The following IGSF9 variants were observed in gnomAD, a reference collection of about 807,000 sequenced individuals.
IGSF9 encodes immunoglobulin superfamily member 9, also known as protein turtle homolog A.
In IGSF9, 87 loss-of-function variants were observed where a neutral mutation model predicts 121.7. That is an observed-to-expected ratio of 0.71 (90% CI 0.60 to 0.85). The LOEUF (loss-of-function observed/expected upper bound fraction) is 0.85, where lower values mean the gene tolerates loss of function less well. Ranked by LOEUF, IGSF9 falls within the 40% of genes least tolerant of loss-of-function variation. IGSF9 has a pLI of 0.00. For missense variants in IGSF9, 1,462 were observed against 1,565.3 expected, an observed-to-expected ratio of 0.93 and a Z score of 1.11; for synonymous variants, 640 against 648.4, an observed-to-expected ratio of 0.99 and a Z score of 0.20.
chr1:159,945,117 C>A (rs905209032), intron 1 of IGSF9, among the ~76,000 whole-genome samples: 1 of 151,998 alleles, frequency 6.6e-6, no homozygotes, highest in East Asian at 1.9e-4. Context: ...ACAATCCCCC[C>A]ACAATTCCAG....
At chr1:159,941,806 T>C (rs572397235) in intron 3 of IGSF9, among the ~76,000 whole-genome samples, 1 of 152,342 alleles carries the variant, frequency 6.6e-6, no homozygotes, top group African/African-American at 2.4e-5. Context: ...GCCGTTTTTT[T>C]CTCCACTGGT....
chr1:159,939,798 G>A (rs898461685), intron 3 of IGSF9, among the ~76,000 whole-genome samples: 9 of 152,210 alleles, frequency 5.9e-5, no homozygotes, highest in African/African-American at 1.9e-4. Context: ...TCTCTAGGAT[G>A]GGTGGACCTG....
Position 159,943,127 on chromosome 1 carries a change from G to A in IGSF9, c.83C>T (p.Ser28Leu), listed in dbSNP as rs369566514. ...ACTCTCCCCAGCCCGGCCCACCACC[G>A]ATACCACCTCAGGCTTCCCTCGACC... ...ADGRGKPEVV[S>L]VVGRAGESVV... The change falls in exon 3 of 21, where the codon TCG (serine) becomes TTG (leucine). Residue 28 changes from serine (S) to leucine (L), a missense_variant. Transcript: ENST00000368094. 26 of 1,596,526 alleles carry A rather than the reference G, an allele frequency of 1.6e-5. No homozygotes were observed. The highest frequency in any genetic ancestry group is 1.1e-4 in the East Asian group (5 of 44,368).
chr1:159,934,392 G>C, intron 8 of IGSF9, 33 bp downstream of exon 8: 1 of 1,568,506 alleles, frequency 6.4e-7, no homozygotes, highest in Non-Finnish European at 8.6e-7. Flanking sequence ...GGGGAAGGGA[G>C]CAGGCTGAGG....
chr1:159,929,239 G>A (rs1473004019), intron 18 of IGSF9, 112 bp downstream of exon 18: 2 of 1,424,938 alleles, frequency 1.4e-6, no homozygotes, highest in Non-Finnish European at 2.0e-6. Flanking sequence ...TCCCACTTTT[G>A]TTCCTCCCCA....
In IGSF9 at chr1:159,931,576, G is replaced by A. The variant is rs1422342165; in HGVS notation, c.1390C>T (p.Gln464Ter). ...KVGRGLQGQA[Q>*]VDSNSSLILR... Reference sequence around the variant, plus strand: ...ATGAGGCTGCTGTTGCTGTCCACCTGGGCCTGGCCTTGCAGCCCCCGGCCC... The same window carrying A: ...ATGAGGCTGCTGTTGCTGTCCACCTAGGCCTGGCCTTGCAGCCCCCGGCCC... The change falls in exon 12 of 21, where the codon CAG becomes TAG. Residue 464 changes from glutamine (Q) to a stop codon, truncating the protein, a stop_gained. Transcript: ENST00000368094. LOFTEE classifies it high-confidence loss of function. This position sits in a 1 kb window ranked among gnomAD's most constrained non-coding sequence, Gnocchi z 4.8. The A allele has an allele frequency of 6.2e-7, 1 of 1,613,914 alleles. No individual in the cohort carries two copies. The highest frequency in any genetic ancestry group is 8.5e-7 in the Non-Finnish European group (1 of 1,179,990).
rs1651482205 is a variant in IGSF9, at chr1:159,943,566, T to C, written c.-112A>G. ...GAACAGGTTTCAGCTCTCACTCTTCTGTACAGTGAGGGCTTGGCTCATGTA... is the reference window on the plus strand; with the variant it reads ...GAACAGGTTTCAGCTCTCACTCTTCCGTACAGTGAGGGCTTGGCTCATGTA... On this transcript the variant is annotated 5_prime_UTR_variant, in exon 2 of 21. Coordinates refer to ENST00000368094, the MANE Select transcript of IGSF9 (RefSeq NM_001135050.2). The C allele has an allele frequency of 2.0e-6, 2 of 1,011,470 alleles. No individual in the cohort carries two copies. Among genetic ancestry groups the C allele is most frequent in the African/African-American group, 1.7e-5 (1 of 60,186 alleles). The allele number at this position is 1,011,470 out of a possible 1,614,324, so 62.7% of individuals were successfully genotyped here. A position where few individuals can be genotyped will look rare whatever the true frequency, so the allele number is the denominator to read the frequency against.
In IGSF9 at chr1:159,934,741, G is replaced by A. The variant is rs567039722; in HGVS notation, c.755C>T (p.Ala252Val). ...GCTGTAGGTGAGGTTAGCAGGGTAT[G>A]CCTCAGCATGGCAGGCCAATGAAAC... ...QDVSLACHAE[A>V]YPANLTYSWF... The change falls in exon 7 of 21, where the codon GCA becomes GTA. Residue 252 changes from alanine to valine, a missense_variant. Physicochemically the swap from Ala to Val is moderately conservative, Grantham distance 64. Coordinates refer to ENST00000368094, the MANE Select transcript of IGSF9 (RefSeq NM_001135050.2). 12 of 1,614,114 alleles carry A rather than the reference G, an allele frequency of 7.4e-6. No individual in the cohort carries two copies. The highest frequency in any genetic ancestry group is 1.3e-5 in the African/African-American group (1 of 74,940).
chr1:159,931,394 T>C lies in IGSF9; in HGVS notation c.1513+59A>G. 1.3e-6 allele frequency: 2 copies of C among 1,598,356 alleles called. No individual in the cohort carries two copies. The highest frequency in any genetic ancestry group is 1.1e-5 in the South Asian group (1 of 89,254). On this transcript the variant is annotated intron_variant, in intron 12 of 20. Coordinates refer to ENST00000368094, the MANE Select transcript of IGSF9 (RefSeq NM_001135050.2). The surrounding 1 kb of genome is among the most constrained non-coding windows in gnomAD (Gnocchi z 4.8). ...ACACCCATGATCCTCTTTCTGGGCC[T>C]CCAAAAACGATTCCCAAGTAGTTTC...
In IGSF9 at chr1:159,927,342, T is replaced by C. The variant is rs2153209; in HGVS notation, c.*3A>G. 86,718 of 1,613,252 alleles carry C rather than the reference T, an allele frequency of 0.054. 4,783 individuals are homozygous for C. Among genetic ancestry groups the C allele is most frequent in the African/African-American group, 0.29 (21,508 of 74,870 alleles). Reference sequence around the variant, plus strand: ...CCTTTTCACAGCCTCACATCAGGGATGTTCACAGCAGAGTGGCCTGTTCGG... The same window carrying C: ...CCTTTTCACAGCCTCACATCAGGGACGTTCACAGCAGAGTGGCCTGTTCGG... On this transcript the variant is annotated 3_prime_UTR_variant, in exon 21 of 21. Transcript: ENST00000368094.
At chr1:159,929,470 C>CA in intron 17 of IGSF9, 77 bp from the exon 18 acceptor site, 1 of 1,563,324 alleles carries the variant, frequency 6.4e-7, no homozygotes, top group Non-Finnish European at 8.8e-7. Flanking sequence ...CACCCAACAC[C>CA]AGGCGCCCAA....
chr1:159,943,191 G>A, intron 2 of IGSF9, 40 bp from the exon 3 acceptor site: 2 of 1,536,844 alleles, frequency 1.3e-6, no homozygotes, highest in Non-Finnish European at 1.8e-6. Context: ...GGGGGGCTAG[G>A]GTCAGTGCTG....
At position 159,929,753 on chromosome 1, in the gene IGSF9, G is replaced by A. The variant is rs760703848; in HGVS notation, c.2211C>T (p.Ala737=). ...GAAAGCAGACTCCGCCCACCACGCC[G>A]GCCAGCACGGGCTGAGGCAGGAGGC... ...LPGLLPQPVL[A]GVVGGVCFLG... is the part of the protein sequence containing the mutation. The change falls in exon 17 of 21, where the codon GCC becomes GCT. Residue 737 remains alanine (A), a synonymous_variant. Coordinates refer to ENST00000368094, the MANE Select transcript of IGSF9 (RefSeq NM_001135050.2). 1.1e-4 allele frequency: 182 copies of A among 1,604,758 alleles called. No individual in the cohort carries two copies. Among genetic ancestry groups the A allele is most frequent in the Non-Finnish European group, 1.5e-4 (179 of 1,176,252 alleles).
Position 159,928,813 on chromosome 1 carries a change from C to T in IGSF9, c.2575G>A (p.Val859Met), listed in dbSNP as rs1650856459. The T allele has an allele frequency of 6.6e-7, 1 of 1,511,342 alleles. No homozygotes were observed. 93.6% of individuals were successfully genotyped at this position (1,511,342 alleles called of 1,614,324 possible). ...PDGRFVMGPT[V>M]AAPQERSGRE... Reference sequence around the variant, plus strand: ...CCTGACCTTTCCTGGGGGGCCGCCACAGTGGGCCCCATCACAAAGCGCCCG... The same window carrying T: ...CCTGACCTTTCCTGGGGGGCCGCCATAGTGGGCCCCATCACAAAGCGCCCG... Residue 859 changes from valine to methionine, a missense_variant, in exon 19 of 21, where the codon GTG (valine) becomes ATG (methionine). Physicochemically the swap from Val to Met is conservative, Grantham distance 21. Around this residue, in one of 3 missense-constraint regions of IGSF9, gnomAD observed 808 missense variants for 815.2 expected, o/e 0.99. Transcript: ENST00000368094.
At chr1:159,942,889 G>T in intron 3 of IGSF9, 74 bp downstream of exon 3, 1 of 1,241,544 alleles carries the variant, frequency 8.1e-7, no homozygotes, top group Non-Finnish European at 1.2e-6. Flanking sequence ...GTTCATAGGA[G>T]GCCTTGTGCG....
Position 159,927,862 on chromosome 1 carries a change from A to G in IGSF9, c.3256T>C (p.Tyr1086His). ...KRRNTSVDEN[Y>H]EWDSEFPGDM... ...CCAGGGAATTCTGAGTCCCACTCATAGTTCTCGTCCACAGATGTGTTCCTC... is the reference window on the plus strand; with the variant it reads ...CCAGGGAATTCTGAGTCCCACTCATGGTTCTCGTCCACAGATGTGTTCCTC... Residue 1086 changes from tyrosine (Y) to histidine (H), a missense_variant, in exon 20 of 21, where the codon TAT becomes CAT. Tyr to His is a moderately conservative substitution (Grantham distance 83, BLOSUM62 2). Around this residue, in one of 3 missense-constraint regions of IGSF9, gnomAD observed 808 missense variants for 815.2 expected, o/e 0.99. Coordinates refer to ENST00000368094, the MANE Select transcript of IGSF9 (RefSeq NM_001135050.2). 1 of 1,611,614 alleles carries G rather than the reference A, an allele frequency of 6.2e-7. No homozygotes were observed. The highest frequency in any genetic ancestry group is 8.5e-7 in the Non-Finnish European group (1 of 1,179,336).
chr1:159,939,052 G>A (rs545914322), intron 3 of IGSF9, among the ~76,000 whole-genome samples: 3 of 152,102 alleles, frequency 2.0e-5, no homozygotes, highest in Admixed American at 6.5e-5. Flanking sequence ...TGCTCATTAG[G>A]TTTTTCAAAT....
chr1:159,927,281 C>T lies in IGSF9; in HGVS notation c.*64G>A, dbSNP rs757195138. 8.2e-6 allele frequency: 13 copies of T among 1,594,060 alleles called. No individual in the cohort carries two copies. Among genetic ancestry groups the T allele is most frequent in the Non-Finnish European group, 1.1e-5 (13 of 1,164,658 alleles). ...GCAGTGCCCTCGTTTGAAACTAGGT[C>T]TGTCTGGTTGGGGGCCTCCTTTGCA... On this transcript the variant is annotated 3_prime_UTR_variant, in exon 21 of 21. Coordinates refer to ENST00000368094, the MANE Select transcript of IGSF9 (RefSeq NM_001135050.2).
In IGSF9 at chr1:159,932,448, T is replaced by G; in HGVS notation, c.1245+64A>C. 24 of 998,282 alleles carry G rather than the reference T, an allele frequency of 2.4e-5. No individual in the cohort carries two copies. The highest frequency in any genetic ancestry group is 3.2e-4 in the Middle Eastern group (1 of 3,140). The allele number at this position is 998,282 out of a possible 1,614,324, so 61.8% of individuals were successfully genotyped here. A position where few individuals can be genotyped will look rare whatever the true frequency, so the allele number is the denominator to read the frequency against. On this transcript the variant is annotated intron_variant, in intron 10 of 20. Transcript: ENST00000368094. The surrounding 1 kb of genome is among the most constrained non-coding windows in gnomAD (Gnocchi z 4.1). Reference sequence around the variant, plus strand: ...CCACCCCACCCCCATCAGCCTGGCCTTAGCACCATCTCCAGCCATCTGACC... The same window carrying G: ...CCACCCCACCCCCATCAGCCTGGCCGTAGCACCATCTCCAGCCATCTGACC...
Sources: gnomAD v4.1 joint callset for allele counts (sites outside exome capture counted in the v4.1 genomes callset) on GRCh38, gnomAD v4.1.1 for gene constraint, gnomAD v4.1.1 regional missense constraint, Gnocchi (gnomAD v3.1) non-coding constraint, MANE v1.5 for transcripts, NCBI Gene and HGNC (gene_info 2026-07-23, HGNC 2026-07-21) for gene names.